TUSC3: variants seen among roughly 807,000 people sequenced by gnomAD.
TUSC3 encodes the protein dolichyl-diphosphooligosaccharide--protein glycosyltransferase subunit TUSC3.
Under a neutral mutation model 44.8 loss-of-function variants are expected in TUSC3, and 45 were observed. The observed-to-expected ratio is 1.00, with a 90% CI of 0.79 to 1.29. TUSC3 has a LOEUF of 1.29. TUSC3 is among the 50% of genes most tolerant of loss of function. TUSC3 has a pLI of 0.00. For missense variants in TUSC3, 519 were observed against 437.9 expected (o/e 1.19, Z -1.65); for synonymous variants, 212 against 152.9 (o/e 1.39, Z -2.85).
chr8:15,473,900 T>A (rs1480174435), intron 1 of TUSC3, among the ~76,000 whole-genome samples: 3 of 152,108 alleles, frequency 2.0e-5, no homozygotes, highest in African/African-American at 7.2e-5. Flanking sequence ...AGAACCAATC[T>A]GATGTCAAAT....
chr8:15,685,566 C>T (rs1251329752), intron 6 of TUSC3, among the ~76,000 whole-genome samples: 1 of 151,986 alleles, frequency 6.6e-6, no homozygotes, highest in Non-Finnish European at 1.5e-5. Context: ...TCAACAGGGC[C>T]TGTGTTTTGA....
chr8:15,791,740 T>TA, the TUSC3 span, among the ~76,000 whole-genome samples: 2 of 152,176 alleles, frequency 1.3e-5, no homozygotes, highest in Admixed American at 6.5e-5. Context: ...TTTTACGTTG[T>TA]AAAAAAATTA....
At chr8:15,538,365 T>C (rs1801558773), upstream of TUSC3, among the ~76,000 whole-genome samples, 1 of 152,252 alleles carries the variant, frequency 6.6e-6, no homozygotes, top group Admixed American at 6.5e-5. Flanking sequence ...GTCTAAAGTT[T>C]TTAACAGGAG....
At chr8:15,592,500 T>C (rs925617621) in intron 1 of TUSC3, among the ~76,000 whole-genome samples, 1 of 152,066 alleles carries the variant, frequency 6.6e-6, no homozygotes, top group East Asian at 1.9e-4. Flanking sequence ...TCATTGTTGG[T>C]TCATGTGAGA....
intron 1 of TUSC3, among the ~76,000 whole-genome samples, chr8:15,566,829 TA>T (rs1276340139): frequency 2.6e-5 from 4 of 152,136 alleles, no homozygotes; most frequent in Admixed American, 6.6e-5. Context: ...GACAGGATTT[TA>T]CCATGTTTCC....
chr8:15,838,139 T>C, the TUSC3 span, among the ~76,000 whole-genome samples: 1 of 152,216 alleles, frequency 6.6e-6, no homozygotes, highest in Non-Finnish European at 1.5e-5. Context: ...TAAAAGAGCC[T>C]TTGTCTGTGC....
chr8:15,788,727 C>G, the TUSC3 span, among the ~76,000 whole-genome samples: 2 of 152,046 alleles, frequency 1.3e-5, no homozygotes, highest in Non-Finnish European at 2.9e-5. Context: ...TTAGTTCAAA[C>G]AGAATGTGCC....
At chr8:15,840,111 G>T in the TUSC3 span, among the ~76,000 whole-genome samples, 1 of 152,086 alleles carries the variant, frequency 6.6e-6, no homozygotes, top group East Asian at 1.9e-4. Context: ...ATCATTCTCA[G>T]CAAACTATCG....
At chr8:15,759,532 G>T (rs1812084269) in intron 10 of TUSC3, among the ~76,000 whole-genome samples, 1 of 151,994 alleles carries the variant, frequency 6.6e-6, no homozygotes, top group South Asian at 2.1e-4. Context: ...TACCTGTTCA[G>T]ATATTTCACA....
At chr8:15,851,197 T>C in the TUSC3 span, among the ~76,000 whole-genome samples, 8 of 152,212 alleles carry the variant, frequency 5.3e-5, no homozygotes, top group Admixed American at 4.6e-4. Flanking sequence ...ACCAAAGCCT[T>C]GTTATTTTTC....
At chr8:15,572,146 G>A (rs1016244073) in intron 1 of TUSC3, among the ~76,000 whole-genome samples, 1 of 152,152 alleles carries the variant, frequency 6.6e-6, no homozygotes, top group Non-Finnish European at 1.5e-5. Flanking sequence ...TCGCCTTCCA[G>A]TAGAAGGATG....
At chr8:15,655,533 G>C (rs549763620) in intron 3 of TUSC3, among the ~76,000 whole-genome samples, 2 of 152,214 alleles carry the variant, frequency 1.3e-5, no homozygotes, top group Non-Finnish European at 2.9e-5. Context: ...AGTCCGAACA[G>C]TGCACTTTGA....
intron 8 of TUSC3, among the ~76,000 whole-genome samples, chr8:15,745,771 C>T (rs186797496): frequency 2.0e-4 from 30 of 151,662 alleles, no homozygotes; most frequent in African/African-American, 5.6e-4. Context: ...TGTTGTTTTG[C>T]GGTGCAGAGG....
intron 5 of TUSC3, among the ~76,000 whole-genome samples, chr8:15,670,085 A>G (rs1007095141): frequency 1.3e-5 from 2 of 151,906 alleles, no homozygotes; most frequent in Admixed American, 1.3e-4. Flanking sequence ...CTGAAAACTG[A>G]AAAATCTATT....
At chr8:15,543,428 G>C (rs1373505674) in intron 1 of TUSC3, among the ~76,000 whole-genome samples, 2 of 152,106 alleles carry the variant, frequency 1.3e-5, no homozygotes, top group Non-Finnish European at 2.9e-5. Flanking sequence ...TTTTAAGTCA[G>C]ACAGATAGAT....
At chr8:15,687,176 C>T (rs1213748944) in intron 6 of TUSC3, among the ~76,000 whole-genome samples, 1 of 152,120 alleles carries the variant, frequency 6.6e-6, no homozygotes, top group Non-Finnish European at 1.5e-5. Flanking sequence ...ATTCTTCCCT[C>T]TTATTTATTT....
chr8:15,554,010 A>T (rs1481565031), intron 1 of TUSC3, among the ~76,000 whole-genome samples: 3 of 151,558 alleles, frequency 2.0e-5, no homozygotes, highest in Non-Finnish European at 4.4e-5. Context: ...TCTCACAGTT[A>T]TGGGAGCTGG....
At chr8:15,569,348 C>G (rs7007947) in intron 1 of TUSC3, among the ~76,000 whole-genome samples, 5,168 of 152,120 alleles carry the variant, frequency 0.034, 295 homozygotes, top group African/African-American at 0.12. Context: ...AAAATATATA[C>G]TCCATAAATA....
At chr8:15,566,918 C>T (rs951384076) in intron 1 of TUSC3, among the ~76,000 whole-genome samples, 10 of 152,014 alleles carry the variant, frequency 6.6e-5, no homozygotes, top group Non-Finnish European at 1.2e-4. Flanking sequence ...TAGGTTTGCC[C>T]GGCCAACACA....
Sources: gnomAD v4.1 joint callset for allele counts (sites outside exome capture counted in the v4.1 genomes callset) on GRCh38, gnomAD v4.1.1 for gene constraint, MANE v1.5 for transcripts, NCBI Gene and HGNC (gene_info 2026-07-23, HGNC 2026-07-21) for gene names.